The following EYA4 variants were observed in gnomAD, a reference collection of about 807,000 sequenced individuals.
EYA4 encodes the protein EYA transcriptional coactivator and phosphatase 4.
In EYA4, 31 loss-of-function variants were observed where a neutral mutation model predicts 87.9. The ratio of observed to expected loss-of-function variants is 0.35; its 90% CI spans 0.27 to 0.48. The LOEUF (loss-of-function observed/expected upper bound fraction) is 0.48, where lower values mean the gene tolerates loss of function less well. Ranked by LOEUF, EYA4 falls within the 20% of genes least tolerant of loss-of-function variation. EYA4 has a pLI of 0.99. For missense variants in EYA4, 678 were observed against 761.4 expected, an observed-to-expected ratio of 0.89 and a Z score of 1.29; for synonymous variants, 263 against 270.6, an observed-to-expected ratio of 0.97 and a Z score of 0.28.
At chr6:133,365,496 AAG>A (rs1651718428) in intron 2 of EYA4, among the ~76,000 whole-genome samples, 1 of 151,936 alleles carries the variant, frequency 6.6e-6, no homozygotes, top group Admixed American at 6.6e-5. Flanking sequence ...TACATTTCCC[AAG>A]AGGAGGGGGG....
At chr6:133,258,146 G>A (rs1050173569) in intron 1 of EYA4, among the ~76,000 whole-genome samples, 1 of 152,180 alleles carries the variant, frequency 6.6e-6, no homozygotes, top group African/African-American at 2.4e-5. Flanking sequence ...AATCTAGTTT[G>A]TTCAAGTGCT....
intron 2 of EYA4, among the ~76,000 whole-genome samples, chr6:133,332,916 T>G (rs1329223330): frequency 6.6e-6 from 1 of 152,050 alleles, no homozygotes; most frequent in Non-Finnish European, 1.5e-5. Flanking sequence ...TGCTTTCTCT[T>G]GGATCTTTTC....
At chr6:133,428,702 A>G (rs753948975) in intron 3 of EYA4, among the ~76,000 whole-genome samples, 12 of 152,072 alleles carry the variant, frequency 7.9e-5, no homozygotes, top group African/African-American at 1.4e-4. Context: ...GTCAGACTAC[A>G]TGCTCCCTCC....
chr6:133,488,017 G>C (rs1354941399), intron 13 of EYA4, among the ~76,000 whole-genome samples: 1 of 152,132 alleles, frequency 6.6e-6, no homozygotes, highest in East Asian at 1.9e-4. Flanking sequence ...CCTGAAGGGA[G>C]AGCCCTAGGC....
At chr6:133,439,516 G>A (rs1287176313) in intron 3 of EYA4, 1 of 152,192 alleles carries the variant, frequency 6.6e-6, no homozygotes, top group Non-Finnish European at 1.5e-5. Context: ...AATCAGCAAA[G>A]GAAAAAGGCA....
At chr6:133,259,901 C>T (rs1440484492) in intron 1 of EYA4, among the ~76,000 whole-genome samples, 1 of 152,000 alleles carries the variant, frequency 6.6e-6, no homozygotes, top group East Asian at 1.9e-4. Flanking sequence ...TCATTATTTT[C>T]TTTTATGGGG....
chr6:133,496,102 G>A (rs1562487835), intron 13 of EYA4, among the ~76,000 whole-genome samples: 2 of 152,082 alleles, frequency 1.3e-5, no homozygotes, highest in Admixed American at 1.3e-4. Flanking sequence ...ATAACCTTGA[G>A]GACTGACTGA....
chr6:133,522,042 C>T (rs982472671), intron 17 of EYA4, among the ~76,000 whole-genome samples: 1 of 139,082 alleles, frequency 7.2e-6, no homozygotes, highest in Non-Finnish European at 1.6e-5. Context: ...GTGCAGCGCA[C>T]CAGCATGGCA....
intron 10 of EYA4, among the ~76,000 whole-genome samples, chr6:133,467,376 A>AGAG (rs1245281607): frequency 6.6e-6 from 1 of 152,102 alleles, no homozygotes; most frequent in Non-Finnish European, 1.5e-5. Context: ...AGACCACATA[A>AGAG]GAGAGTATAA....
chr6:133,529,728 C>T lies in EYA4; in HGVS notation c.*923C>T. The T allele has an allele frequency of 2.0e-6, 2 of 985,146 alleles. No individual in the cohort carries two copies. The highest frequency in any genetic ancestry group is 2.4e-6 in the Non-Finnish European group (2 of 829,736). 61.0% of individuals were successfully genotyped at this position (985,146 alleles called of 1,614,324 possible). On this transcript the variant is annotated 3_prime_UTR_variant, in exon 20 of 20. Coordinates refer to ENST00000355286, the MANE Select transcript of EYA4 (RefSeq NM_004100.5). ...TGAGGCAACTATTTGCGCATCCAACCATGAGTGGAAGGTTTGGGAAAGACT... is the reference window on the plus strand; with the variant it reads ...TGAGGCAACTATTTGCGCATCCAACTATGAGTGGAAGGTTTGGGAAAGACT...
In EYA4 at chr6:133,378,926, GGTGTGT is replaced by G. The variant is rs10681162; in HGVS notation, c.34-3435_34-3430del. 3.2e-3 allele frequency among the ~76,000 whole-genome samples: 449 copies of G among 141,818 alleles called. 2 individuals are homozygous for G. The highest frequency in any genetic ancestry group is 0.01 in the African/African-American group (384 of 37,712). The allele number at this position is 141,818 out of a possible 152,430, so 93.0% of individuals were successfully genotyped here. A position where few individuals can be genotyped will look rare whatever the true frequency, so the allele number is the denominator to read the frequency against. On this transcript the variant is annotated intron_variant, in intron 2 of 19. Transcript: ENST00000355286. The stretch of plus-strand genomic sequence containing the variant: ...TTACGCTATTCATCCTTTCTGTCTT[GGTGTGT>G]GTGTGTGTGTGTGTGTGTGTGTGTG...
rs142868712 is a variant in EYA4, at chr6:133,430,983, G to A, written c.84-15647G>A. On this transcript the variant is annotated intron_variant, in intron 3 of 19. Transcript: ENST00000355286. ...GGAAGGGAATCTCTGAACAGGGGAT[G>A]TTTGAGCTGAGACACAGGACATGAA... 7.3e-3 allele frequency among the ~76,000 whole-genome samples: 1,116 copies of A among 152,348 alleles called. 18 individuals carry two copies. The highest frequency in any genetic ancestry group is 0.026 in the African/African-American group (1,069 of 41,586).
At chr6:133,321,695 G>A (rs1342784779) in intron 2 of EYA4, among the ~76,000 whole-genome samples, 1 of 152,158 alleles carries the variant, frequency 6.6e-6, no homozygotes, top group African/African-American at 2.4e-5. Flanking sequence ...TGGAATTTTG[G>A]TGTGCTGGCT....
At chr6:133,357,586 A>G (rs1300377371) in intron 2 of EYA4, among the ~76,000 whole-genome samples, 1 of 152,180 alleles carries the variant, frequency 6.6e-6, no homozygotes, top group Admixed American at 6.5e-5. Context: ...TTTCACATAA[A>G]TCCAAACACT....
chr6:133,437,191 A>G (rs1356339518), intron 3 of EYA4, among the ~76,000 whole-genome samples: 1 of 152,206 alleles, frequency 6.6e-6, no homozygotes, highest in Non-Finnish European at 1.5e-5. Flanking sequence ...TCCTGGAAAG[A>G]AAGAATGACT....
intron 3 of EYA4, among the ~76,000 whole-genome samples, chr6:133,406,421 G>T (rs1318374491): frequency 6.6e-6 from 1 of 152,216 alleles, no homozygotes; most frequent in Admixed American, 6.5e-5. Flanking sequence ...ATATGCAATG[G>T]TGTAAACGGG....
chr6:133,403,814 G>C (rs1299678543), intron 3 of EYA4, among the ~76,000 whole-genome samples: 2 of 152,170 alleles, frequency 1.3e-5, no homozygotes, highest in East Asian at 3.9e-4. Flanking sequence ...TTGTTTGTTT[G>C]TGTGTTTTTC....
intron 2 of EYA4, among the ~76,000 whole-genome samples, chr6:133,298,782 G>C (rs184069529): frequency 6.6e-6 from 1 of 152,158 alleles, no homozygotes; most frequent in Non-Finnish European, 1.5e-5. Context: ...AGGTCGGACC[G>C]TGTGAAACTG....
chr6:133,267,399 G>A (rs1428572386), intron 1 of EYA4, among the ~76,000 whole-genome samples: 1 of 135,354 alleles, frequency 7.4e-6, no homozygotes, highest in Admixed American at 7.4e-5. Flanking sequence ...TTTTTTTTTT[G>A]AGACAGAGTC....
Sources: gnomAD v4.1 joint callset for allele counts (sites outside exome capture counted in the v4.1 genomes callset) on GRCh38, gnomAD v4.1.1 for gene constraint, MANE v1.5 for transcripts, NCBI Gene and HGNC (gene_info 2026-07-23, HGNC 2026-07-21) for gene names.